The following CNDP2 variants were observed in gnomAD, a reference collection of about 807,000 sequenced individuals.
CNDP2 encodes cytosolic non-specific dipeptidase.
A neutral mutation model predicts 55.0 loss-of-function variants in CNDP2; 38 were observed. The observed-to-expected ratio is 0.69, with a 90% CI of 0.53 to 0.90. The LOEUF is 0.90. Among genes scored for constraint, CNDP2 ranks in the 40% least tolerant of loss-of-function variants. CNDP2 has a pLI of 0.00. For synonymous variants in CNDP2, 241 were observed against 260.2 expected, an observed-to-expected ratio of 0.93 and a Z score of 0.71; for missense variants, 607 against 621.7, an observed-to-expected ratio of 0.98 and a Z score of 0.25.
At chr18:74,518,432 G>C in intron 9 of CNDP2, 67 bp from the exon 10 acceptor site, 1 of 1,593,294 alleles carries the variant, frequency 6.3e-7, no homozygotes, top group Non-Finnish European at 8.6e-7. Flanking sequence ...AGACCCGTAG[G>C]TCACTAGCAC....
chr18:74,520,349 A>T lies in CNDP2; in HGVS notation c.*281A>T. 2.5e-6 allele frequency: 1 copy of T among 395,026 alleles called. No individual in the cohort carries two copies. 24.5% of individuals were successfully genotyped at this position (395,026 alleles called of 1,614,324 possible). A position where few individuals can be genotyped will look rare whatever the true frequency, so the allele number is the denominator to read the frequency against. ...AAGATACCCAAGGTCCAAAAGCACA[A>T]GGTCTGCGGAAAGTTCTGGTTGTCG... On this transcript the variant is annotated 3_prime_UTR_variant, in exon 12 of 12. Coordinates refer to ENST00000324262, the MANE Select transcript of CNDP2 (RefSeq NM_018235.3).
intron 7 of CNDP2, among the ~76,000 whole-genome samples, 173 bp from the exon 8 acceptor site, chr18:74,513,386 G>A (rs1181656042): frequency 2.6e-5 from 4 of 152,362 alleles, no homozygotes; most frequent in Admixed American, 1.3e-4. Context: ...ATGCATCTGC[G>A]AGCATCATTC....
intron 8 of CNDP2, among the ~76,000 whole-genome samples, chr18:74,514,699 G>T (rs1979568857): frequency 6.6e-6 from 1 of 152,168 alleles, no homozygotes; most frequent in Admixed American, 6.5e-5. Flanking sequence ...GGTTTATGTG[G>T]TATGGATGTA....
Position 74,521,791 on chromosome 18 carries a change from GAC to G in CNDP2, c.*1728_*1729del, listed in dbSNP as rs1980062634. The G allele has an allele frequency of 6.6e-6, 1 of 152,232 alleles. No homozygotes were observed. 9.4% of individuals were successfully genotyped at this position (152,232 alleles called of 1,614,324 possible). A position where few individuals can be genotyped will look rare whatever the true frequency, so the allele number is the denominator to read the frequency against. On this transcript the variant is annotated 3_prime_UTR_variant, in exon 12 of 12. Coordinates refer to ENST00000324262, the MANE Select transcript of CNDP2 (RefSeq NM_018235.3). ...ACTTGCTGCTGCAGGTGAGACCCCT[GAC>G]ACACTCTCAAATTGGTAGGCAAAGG...
chr18:74,520,064 A>T lies in CNDP2; in HGVS notation c.1424A>T (p.Asp475Val), dbSNP rs143425112. 6.2e-7 allele frequency: 1 copy of T among 1,614,026 alleles called. No individual in the cohort carries two copies. Among genetic ancestry groups the T allele is most frequent in the Non-Finnish European group, 8.5e-7 (1 of 1,180,002 alleles). The change falls in exon 12 of 12, where the codon GAC (aspartate) becomes GTC (valine). Residue 475 changes from aspartate to valine, a missense_variant. Physicochemically the swap from Asp to Val is radical, Grantham distance 152 (BLOSUM62 -3). Coordinates refer to ENST00000324262, the MANE Select transcript of CNDP2 (RefSeq NM_018235.3). ...AYLYEVSQLK[D>V] ...CTGTATGAGGTCTCCCAGCTGAAGG[A>T]CTAGGCCAAGCCCTCTGTGTGCCAT...
At position 74,518,961 on chromosome 18, in the gene CNDP2, A is replaced by G; in HGVS notation, c.1223A>G (p.Glu408Gly). The G allele has an allele frequency of 6.2e-7, 1 of 1,614,000 alleles. No homozygotes were observed. Among genetic ancestry groups the G allele is most frequent in the South Asian group, 1.1e-5 (1 of 91,078 alleles). The change falls in exon 11 of 12, where the codon GAG (glutamate) becomes GGG (glycine). Residue 408 changes from glutamate to glycine, a missense_variant. Transcript: ENST00000324262. ...RRAMKTVFGV[E>G]PDLTREGGSI... The stretch of plus-strand genomic sequence containing the variant: ...CATTTCCCCCCAGTTTTTGGTGTTG[A>G]GCCAGACTTGACCAGGGAAGGCGGC...
intron 6 of CNDP2, chr18:74,512,012 C>T (rs1181179818): frequency 1.3e-5 from 2 of 157,494 alleles, no homozygotes; most frequent in African/African-American, 4.8e-5. Context: ...GGAGGCCGGG[C>T]ACTCAGCAGG....
At chr18:74,514,279 A>G (rs200799777) in intron 8 of CNDP2, among the ~76,000 whole-genome samples, 3 of 149,666 alleles carry the variant, frequency 2.0e-5, no homozygotes, top group Admixed American at 6.6e-5. Context: ...TCTGCAGGCT[A>G]TAGGTTTATG....
At chr18:74,516,518 A>G in intron 9 of CNDP2, 126 bp downstream of exon 9, 1 of 910,572 alleles carries the variant, frequency 1.1e-6, no homozygotes, top group South Asian at 1.8e-5. Context: ...GGCTCTGGCC[A>G]AGTCAGTAAT....
rs1488461390 is a variant in CNDP2 at position 74,519,033 on chromosome 18, T to A, written c.1295T>A (p.Val432Asp). ...TTTCAGGAGGCCACGGGCAAGAACGTCATGCTGCTGCCTGTGGGGTCAGCG... is the reference window on the plus strand; with the variant it reads ...TTTCAGGAGGCCACGGGCAAGAACGACATGCTGCTGCCTGTGGGGTCAGCG... ...LTFQEATGKN[V>D]MLLPVGSADD... The change falls in exon 11 of 12, where the codon GTC becomes GAC. Residue 432 changes from valine to aspartate, a missense_variant. Val to Asp is a radical substitution (Grantham distance 152, BLOSUM62 -3). Coordinates refer to ENST00000324262, the MANE Select transcript of CNDP2 (RefSeq NM_018235.3). The A allele has an allele frequency of 3.1e-6, 5 of 1,613,980 alleles. No homozygotes were observed. The highest frequency in any genetic ancestry group is 4.2e-6 in the Non-Finnish European group (5 of 1,179,906).
At position 74,510,890 on chromosome 18, in the gene CNDP2, T is replaced by C; in HGVS notation, c.534T>C (p.Phe178=). ...SGSEGLDELI[F]ARKDTFFKDV... ...CTGAGGGCCTAGACGAGCTGATTTT[T>C]GCCCGGAAAGACACATTCTTTAAGG... The change falls in exon 6 of 12, where the codon TTT becomes TTC. Residue 178 remains phenylalanine, a synonymous_variant. Transcript: ENST00000324262. The C allele has an allele frequency of 6.2e-7, 1 of 1,614,224 alleles. No individual in the cohort carries two copies. Among genetic ancestry groups the C allele is most frequent in the Non-Finnish European group, 8.5e-7 (1 of 1,180,040 alleles).
rs1389429157 is a variant in CNDP2 at position 74,510,798 on chromosome 18, G to C, written c.457-15G>C. On this transcript the variant is annotated splice_polypyrimidine_tract_variant and intron_variant, in intron 5 of 11. Transcript: ENST00000324262. ...GCAAAGCTGAATATCCACTCGTGCT[G>C]TTCCCTTCTCACAGGAGATTCCTGT... 1 of 1,610,232 alleles carries C rather than the reference G, an allele frequency of 6.2e-7. No homozygotes were observed. Among genetic ancestry groups the C allele is most frequent in the South Asian group, 1.1e-5 (1 of 90,824 alleles).
Position 74,520,227 on chromosome 18 carries a change from C to CG in CNDP2, c.*162dup. On this transcript the variant is annotated 3_prime_UTR_variant, in exon 12 of 12. Coordinates refer to ENST00000324262, the MANE Select transcript of CNDP2 (RefSeq NM_018235.3). ...AGACACAAGTGTATCCAGCTGTCCA[C>CG]GGGTGGAGCTACCCGTTGGGCTTAT... The CG allele has an allele frequency of 1.5e-6, 1 of 663,062 alleles. No homozygotes were observed. Among genetic ancestry groups the CG allele is most frequent in the Admixed American group, 2.7e-5 (1 of 37,566 alleles). The allele number at this position is 663,062 out of a possible 1,614,324, so 41.1% of individuals were successfully genotyped here.
chr18:74,512,192 C>A, intron 6 of CNDP2: 1 of 442,456 alleles, frequency 2.3e-6, no homozygotes, highest in African/African-American at 2.0e-5. Flanking sequence ...AGGCAGATTG[C>A]CCTGTGGAAT....
intron 3 of CNDP2, among the ~76,000 whole-genome samples, chr18:74,505,598 CAAAA>C (rs369659489): frequency 1.6e-5 from 2 of 123,176 alleles, no homozygotes; most frequent in African/African-American, 3.0e-5. Flanking sequence ...GATTCTGTCT[CAAAA>C]AAAAAAAAAA....
chr18:74,512,563 T>G, intron 7 of CNDP2, 31 bp downstream of exon 7: 1 of 1,587,988 alleles, frequency 6.3e-7, no homozygotes. Flanking sequence ...AGTCCGCAGT[T>G]GAGGGGAAGT....
Position 74,500,052 on chromosome 18 carries a change from T to G in CNDP2, c.60+19T>G, listed in dbSNP as rs1978609269. The G allele has an allele frequency of 6.2e-7, 1 of 1,603,710 alleles. No individual in the cohort carries two copies. Reference sequence around the variant, plus strand: ...CATTAAGGTAAGGGAATATTCATTTTAGGAAACAGTAAAATCTGATTTAAT... The same window carrying G: ...CATTAAGGTAAGGGAATATTCATTTGAGGAAACAGTAAAATCTGATTTAAT... On this transcript the variant is annotated intron_variant, in intron 2 of 11. Coordinates refer to ENST00000324262, the MANE Select transcript of CNDP2 (RefSeq NM_018235.3).
intron 4 of CNDP2, chr18:74,507,382 T>TC (rs1979089574): frequency 6.5e-6 from 1 of 152,826 alleles, no homozygotes; most frequent in Non-Finnish European, 1.5e-5. Flanking sequence ...AAGCTCCCTG[T>TC]CCCCCTCACC....
At position 74,505,939 on chromosome 18, in the gene CNDP2, C is replaced by T. The variant is rs1230685692; in HGVS notation, c.295C>T (p.His99Tyr). The stretch of plus-strand genomic sequence containing the variant: ...GAAGAAGACCGTGTGCATTTACGGG[C>T]ACCTGGATGTGCAGCCTGCAGCCCT... Reference protein sequence around the residue: ...PQKKTVCIYGHLDVQPAALED... With the variant: ...PQKKTVCIYGYLDVQPAALED... Residue 99 changes from histidine to tyrosine, a missense_variant, in exon 4 of 12, where the codon CAC becomes TAC. By Grantham distance (83) the His-to-Tyr change is moderately conservative. Transcript: ENST00000324262. The T allele has an allele frequency of 6.2e-7, 1 of 1,612,412 alleles. No individual in the cohort carries two copies. The highest frequency in any genetic ancestry group is 1.1e-5 in the South Asian group (1 of 90,780).
Sources: gnomAD v4.1 joint callset for allele counts (sites outside exome capture counted in the v4.1 genomes callset) on GRCh38, gnomAD v4.1.1 for gene constraint, MANE v1.5 for transcripts, NCBI Gene and HGNC (gene_info 2026-07-23, HGNC 2026-07-21) for gene names.